ATP9B: variants seen among roughly 807,000 people sequenced by gnomAD.
The protein encoded by ATP9B is probable phospholipid-transporting ATPase IIB.
A neutral mutation model predicts 146.1 loss-of-function variants in ATP9B; 110 were observed. The ratio of observed to expected loss-of-function variants is 0.75; its 90% CI spans 0.65 to 0.88. The LOEUF (loss-of-function observed/expected upper bound fraction) is 0.88. Among genes scored for constraint, ATP9B ranks in the 40% least tolerant of loss-of-function variants. The pLI, the probability that ATP9B is intolerant of heterozygous loss-of-function variation, is 0.00. For missense variants in ATP9B, 1,499 were observed against 1,496.4 expected (o/e 1.00, Z -0.03); for synonymous variants, 604 against 569.7 (o/e 1.06, Z -0.86).
chr18:79,251,049 A>G (rs1009238248), intron 11 of ATP9B, among the ~76,000 whole-genome samples: 1 of 152,250 alleles, frequency 6.6e-6, no homozygotes, highest in Non-Finnish European at 1.5e-5. Context: ...AACATGGAGA[A>G]GAGTTTTTGT....
chr18:79,117,036 T>C (rs2094097091), intron 4 of ATP9B, among the ~76,000 whole-genome samples: 1 of 146,960 alleles, frequency 6.8e-6, no homozygotes, highest in Non-Finnish European at 1.5e-5. Flanking sequence ...AATAGATTAT[T>C]CAAACTGCCA....
At chr18:79,257,319 C>T (rs778266562) in intron 12 of ATP9B, among the ~76,000 whole-genome samples, 4 of 152,146 alleles carry the variant, frequency 2.6e-5, no homozygotes, top group Non-Finnish European at 5.9e-5. Context: ...AAGAAAGAAA[C>T]AATACAAGGC....
At chr18:79,163,843 A>G (rs972032634) in intron 7 of ATP9B, among the ~76,000 whole-genome samples, 6 of 148,134 alleles carry the variant, frequency 4.1e-5, no homozygotes, top group African/African-American at 1.5e-4. Flanking sequence ...TAATATTTTT[A>G]TATTTTATTT....
intron 9 of ATP9B, among the ~76,000 whole-genome samples, chr18:79,205,424 C>T (rs553249279): frequency 1.3e-5 from 1 of 78,544 alleles, no homozygotes; most frequent in South Asian, 2.7e-4. Context: ...GTATTTTGTA[C>T]ATGCAGATTA....
intron 11 of ATP9B, among the ~76,000 whole-genome samples, chr18:79,222,661 G>A (rs2095691554): frequency 6.6e-6 from 1 of 152,174 alleles, no homozygotes; most frequent in Non-Finnish European, 1.5e-5. Flanking sequence ...ATTCTTGAAG[G>A]TGAGGATTAG....
intron 8 of ATP9B, among the ~76,000 whole-genome samples, chr18:79,190,363 C>T (rs7407864): frequency 0.25 from 37,526 of 151,966 alleles, 5,005 homozygotes; most frequent in East Asian, 0.5. Context: ...CAACAAATCT[C>T]CAAAAGTTTT....
Position 79,173,432 on chromosome 18 carries a change from GT to G in ATP9B, c.779-3369del, listed in dbSNP as rs111326430. Among the ~76,000 whole-genome samples, 291 of 140,250 alleles carry G rather than the reference GT, an allele frequency of 2.1e-3. 2 individuals carry two copies. Among genetic ancestry groups the G allele is most frequent in the African/African-American group, 5.4e-3 (207 of 38,690 alleles). 92.0% of individuals were successfully genotyped at this position (140,250 alleles called of 152,430 possible). A position where few individuals can be genotyped will look rare whatever the true frequency, so the allele number is the denominator to read the frequency against. On this transcript the variant is annotated intron_variant, in intron 7 of 29. Coordinates refer to ENST00000426216, the MANE Select transcript of ATP9B (RefSeq NM_198531.5). ...GCCCTGAGGATTTCTTCTTGTGGTG[GT>G]TTTTTTTTTTTGTCCTAAAAGTTTT...
At chr18:79,084,311 T>TCCATTCCACCTATCCC (rs1310362711) in intron 1 of ATP9B, among the ~76,000 whole-genome samples, 3 of 152,092 alleles carry the variant, frequency 2.0e-5, no homozygotes, top group African/African-American at 7.2e-5. Context: ...CCCATCATTT[T>TCCATTCCACCTATCCC]CCATTCCACC....
At chr18:79,288,165 G>A (rs1419480760) in intron 13 of ATP9B, among the ~76,000 whole-genome samples, 2 of 150,186 alleles carry the variant, frequency 1.3e-5, no homozygotes, top group African/African-American at 4.9e-5. Context: ...CAATTCCTGG[G>A]TATCCTTGTT....
At chr18:79,184,255 G>A (rs1159961900) in intron 8 of ATP9B, among the ~76,000 whole-genome samples, 1 of 152,144 alleles carries the variant, frequency 6.6e-6, no homozygotes, top group Non-Finnish European at 1.5e-5. Flanking sequence ...AGTTCCTATA[G>A]TTCCAGCTGA....
At chr18:79,170,586 G>A (rs560749585) in intron 7 of ATP9B, among the ~76,000 whole-genome samples, 1 of 152,210 alleles carries the variant, frequency 6.6e-6, no homozygotes, top group South Asian at 2.1e-4. Context: ...GACTTTGTTT[G>A]GGAAAGCATC....
At chr18:79,251,477 T>G (rs1452547657) in intron 11 of ATP9B, among the ~76,000 whole-genome samples, 1 of 152,260 alleles carries the variant, frequency 6.6e-6, no homozygotes, top group African/African-American at 2.4e-5. Context: ...CCTACTAGAT[T>G]AGCTTGTAGG....
chr18:79,352,290 G>A (rs900686274), intron 25 of ATP9B, among the ~76,000 whole-genome samples: 8 of 152,180 alleles, frequency 5.3e-5, no homozygotes, highest in Non-Finnish European at 1.5e-5. Flanking sequence ...GCACCAAGAA[G>A]GTGCATGACA....
intron 11 of ATP9B, among the ~76,000 whole-genome samples, chr18:79,241,051 G>T (rs1305161989): frequency 6.6e-6 from 1 of 152,128 alleles, no homozygotes; most frequent in Non-Finnish European, 1.5e-5. Flanking sequence ...AGGGCTATTG[G>T]GTTGTAAGCT....
At chr18:79,161,419 C>A (rs1790033334) in intron 7 of ATP9B, among the ~76,000 whole-genome samples, 1 of 152,066 alleles carries the variant, frequency 6.6e-6, no homozygotes, top group Non-Finnish European at 1.5e-5. Flanking sequence ...GTTTGCATAT[C>A]CCTGGAGGAT....
chr18:79,221,962 A>G lies in ATP9B; in HGVS notation c.1107+7924A>G, dbSNP rs56827336. On this transcript the variant is annotated intron_variant, in intron 11 of 29. Transcript: ENST00000426216. ...AAAAAGAAAGAAAAACTTATGAAAA[A>G]TTTTAAACATACAGAAAACTAAGGA... 4.6e-3 allele frequency among the ~76,000 whole-genome samples: 695 copies of G among 150,290 alleles called. 9 individuals are homozygous for G. The highest frequency in any genetic ancestry group is 0.015 in the African/African-American group (628 of 40,842).
At chr18:79,356,413 T>G in intron 25 of ATP9B, among the ~76,000 whole-genome samples, 1 of 152,180 alleles carries the variant, frequency 6.6e-6, no homozygotes, top group East Asian at 1.9e-4. Flanking sequence ...AAATGGAAAC[T>G]TCACCAAAAA....
chr18:79,297,031 A>G (rs1166833829), intron 13 of ATP9B, among the ~76,000 whole-genome samples: 1 of 151,664 alleles, frequency 6.6e-6, no homozygotes, highest in Non-Finnish European at 1.5e-5. Context: ...GACGACCCAG[A>G]GAGAAGACAG....
chr18:79,200,779 A>AGGTGG (rs2095475928), intron 9 of ATP9B, among the ~76,000 whole-genome samples: 16 of 28,500 alleles, frequency 5.6e-4, no homozygotes, highest in African/African-American at 9.8e-4. Flanking sequence ...GTCAGAGCAG[A>AGGTGG]AGTAGTGGTG....
Sources: gnomAD v4.1 joint callset for allele counts (sites outside exome capture counted in the v4.1 genomes callset) on GRCh38, gnomAD v4.1.1 for gene constraint, MANE v1.5 for transcripts, NCBI Gene and HGNC (gene_info 2026-07-23, HGNC 2026-07-21) for gene names.